The following RPS6KC1 variants were observed in gnomAD, a reference collection of about 807,000 sequenced individuals.
RPS6KC1 encodes the protein ribosomal protein S6 kinase C1.
In RPS6KC1, 54 loss-of-function variants were observed where a neutral mutation model predicts 103.8. The observed-to-expected ratio is 0.52, with a 90% CI of 0.42 to 0.65. The LOEUF (loss-of-function observed/expected upper bound fraction) is 0.65, where lower values mean the gene tolerates loss of function less well. Ranked by LOEUF, RPS6KC1 falls within the 30% of genes least tolerant of loss-of-function variation. The pLI is 0.00. For synonymous variants in RPS6KC1, 439 were observed against 438.7 expected, an observed-to-expected ratio of 1.00 and a Z score of -0.01; for missense variants, 1,151 against 1,253.8, an observed-to-expected ratio of 0.92 and a Z score of 1.24.
the RPS6KC1 span, among the ~76,000 whole-genome samples, chr1:213,620,419 G>A: frequency 5.3e-5 from 8 of 152,204 alleles, no homozygotes; most frequent in Admixed American, 3.3e-4. Context: ...GCCTCTCCAT[G>A]TGGCTTCTCT....
chr1:213,732,246 C>A, the RPS6KC1 span, among the ~76,000 whole-genome samples: 2 of 152,112 alleles, frequency 1.3e-5, no homozygotes, highest in African/African-American at 4.8e-5. Flanking sequence ...AACATTTTCC[C>A]CATTTATTAA....
rs527991300 is a variant in RPS6KC1 at position 213,224,186 on chromosome 1, T to C, written c.1045-6311T>C. ...GGTGTACCCCTTCTCCCTCTTTTCT[T>C]TGCAAAGATGGTTGCCTACTTAAAT... On this transcript the variant is annotated intron_variant, in intron 8 of 14. Transcript: ENST00000366960. 2.0e-5 allele frequency among the ~76,000 whole-genome samples: 3 copies of C among 152,322 alleles called. No homozygotes were observed. The East Asian group carries it at 5.8e-4, about 29-fold the overall frequency.
intron 9 of RPS6KC1, 26 bp from the exon 10 acceptor site, chr1:213,232,087 ACTGAGGATAC>A: frequency 6.2e-7 from 1 of 1,607,398 alleles, no homozygotes; most frequent in Non-Finnish European, 8.5e-7. Flanking sequence ...TGAGGATGCA[ACTGAGGATAC>A]AACTGACCTT....
At chr1:213,117,692 T>C (rs547790949) in intron 5 of RPS6KC1, among the ~76,000 whole-genome samples, 1 of 151,876 alleles carries the variant, frequency 6.6e-6, no homozygotes, top group African/African-American at 2.4e-5. Flanking sequence ...AAATATGGTA[T>C]AATGAGTAGT....
At chr1:213,167,681 TG>T (rs1181271140) in intron 6 of RPS6KC1, among the ~76,000 whole-genome samples, 176 bp from the exon 7 acceptor site, 3 of 152,266 alleles carry the variant, frequency 2.0e-5, no homozygotes, top group South Asian at 2.1e-4. Flanking sequence ...ATGAAATCAA[TG>T]GGGGGTAATA....
At chr1:213,131,635 G>A (rs896966831) in intron 6 of RPS6KC1, among the ~76,000 whole-genome samples, 1 of 152,036 alleles carries the variant, frequency 6.6e-6, no homozygotes, top group Non-Finnish European at 1.5e-5. Flanking sequence ...GCAGAAACGG[G>A]GTTTCACCAT....
At chr1:213,475,527 G>A in the RPS6KC1 span, among the ~76,000 whole-genome samples, 1 of 152,140 alleles carries the variant, frequency 6.6e-6, no homozygotes, top group Non-Finnish European at 1.5e-5. Context: ...AGTCTCATGT[G>A]AAATTTCAAT....
At chr1:213,198,449 A>T (rs762050999) in intron 8 of RPS6KC1, among the ~76,000 whole-genome samples, 1 of 152,214 alleles carries the variant, frequency 6.6e-6, no homozygotes, top group Non-Finnish European at 1.5e-5. Context: ...ATCTTTTGCA[A>T]CCAATTTCCC....
At chr1:213,544,490 A>C in the RPS6KC1 span, among the ~76,000 whole-genome samples, 1 of 152,256 alleles carries the variant, frequency 6.6e-6, no homozygotes, top group Admixed American at 6.5e-5. Context: ...AGCTCAGGGC[A>C]TGCTGTGGCT....
At chr1:213,140,911 T>G (rs2086949446) in intron 6 of RPS6KC1, among the ~76,000 whole-genome samples, 1 of 151,666 alleles carries the variant, frequency 6.6e-6, no homozygotes, top group Non-Finnish European at 1.5e-5. Flanking sequence ...TTTTCTTTTT[T>G]TTTTGAAACA....
chr1:213,203,825 A>G (rs2093252174), intron 8 of RPS6KC1, among the ~76,000 whole-genome samples: 1 of 152,228 alleles, frequency 6.6e-6, no homozygotes, highest in Admixed American at 6.5e-5. Context: ...TTTTCACATA[A>G]GGTCATAATG....
At chr1:213,081,743 A>C (rs1240142560) in intron 3 of RPS6KC1, among the ~76,000 whole-genome samples, 1 of 151,310 alleles carries the variant, frequency 6.6e-6, no homozygotes, top group Admixed American at 6.6e-5. Context: ...GTAGCCTATG[A>C]AGAGGCCCAC....
intron 8 of RPS6KC1, chr1:213,205,407 T>A: frequency 1.0e-6 from 1 of 983,208 alleles, no homozygotes; most frequent in Non-Finnish European, 1.2e-6. Context: ...ATGAAGCAGT[T>A]TGAGTCACTA....
chr1:213,813,150 C>T, the RPS6KC1 span, among the ~76,000 whole-genome samples: 1 of 151,900 alleles, frequency 6.6e-6, no homozygotes, highest in Non-Finnish European at 1.5e-5. Flanking sequence ...ACTTGGGAGG[C>T]TGAGGCAGGA....
chr1:213,531,156 A>G, the RPS6KC1 span, among the ~76,000 whole-genome samples: 1 of 152,204 alleles, frequency 6.6e-6, no homozygotes, highest in Non-Finnish European at 1.5e-5. Flanking sequence ...GGTGCCTTTT[A>G]GAAAGGGAAC....
At chr1:213,801,210 C>A in the RPS6KC1 span, among the ~76,000 whole-genome samples, 5 of 152,084 alleles carry the variant, frequency 3.3e-5, no homozygotes. Context: ...GACATGCTTA[C>A]GATATTCTTC....
chr1:213,071,122 A>G, intron 2 of RPS6KC1, 81 bp downstream of exon 2: 1 of 813,224 alleles, frequency 1.2e-6, no homozygotes, highest in Non-Finnish European at 1.9e-6. Context: ...TGCCTGAATC[A>G]TTTGTACATC....
chr1:213,374,574 G>T, the RPS6KC1 span, among the ~76,000 whole-genome samples: 1 of 152,204 alleles, frequency 6.6e-6, no homozygotes, highest in Non-Finnish European at 1.5e-5. Flanking sequence ...GAAAGCTTCA[G>T]TGGAGAGGGA....
At chr1:213,126,963 T>C (rs1312682483) in intron 5 of RPS6KC1, among the ~76,000 whole-genome samples, 1 of 152,216 alleles carries the variant, frequency 6.6e-6, no homozygotes, top group Non-Finnish European at 1.5e-5. Flanking sequence ...TTTGATTTAG[T>C]ATATAATCCT....
Sources: allele counts gnomAD v4.1 joint callset (sites outside exome capture counted in the v4.1 genomes callset), GRCh38; gene constraint gnomAD v4.1.1; transcripts MANE v1.5; gene names NCBI Gene and HGNC (gene_info 2026-07-23, HGNC 2026-07-21).